HDAC10: variants seen among roughly 807,000 people sequenced by gnomAD.
The protein encoded by HDAC10 is polyamine deacetylase HDAC10.
Under a neutral mutation model 82.3 loss-of-function variants are expected in HDAC10, and 90 were observed. That is an observed-to-expected ratio of 1.09 (90% CI 0.92 to 1.30). The LOEUF is 1.30. HDAC10 is among the 50% of genes most tolerant of loss of function. The probability of loss-of-function intolerance (pLI) is 0.00; values close to 1 mark genes in which losing one functional copy is unlikely to be tolerated. For synonymous variants in HDAC10, 456 were observed against 391.7 expected, an observed-to-expected ratio of 1.16 and a Z score of -1.94; for missense variants, 934 against 876.3, an observed-to-expected ratio of 1.07 and a Z score of -0.83.
rs1478725034 is a variant in HDAC10, at chr22:50,245,690, C to T, written c.1971G>A (p.Gln657=). ...LMYLRGQLEP[Q]WKMLQCHPHL... ...TCAGCCTCACCTGCAACATCTTCCA[C>T]TGAGGCTCCAGCTGCCCTCTCAGGT... The change falls in exon 19 of 20, where the codon CAG becomes CAA. Residue 657 remains glutamine (Q), a synonymous_variant. Transcript: ENST00000216271. 1.9e-6 allele frequency: 3 copies of T among 1,613,200 alleles called. No individual in the cohort carries two copies. Among genetic ancestry groups the T allele is most frequent in the South Asian group, 1.1e-5 (1 of 91,082 alleles).
chr22:50,246,366 A>G lies in HDAC10; in HGVS notation c.1582T>C (p.Trp528Arg). 6.2e-7 allele frequency: 1 copy of G among 1,612,366 alleles called. No individual in the cohort carries two copies. The highest frequency in any genetic ancestry group is 8.5e-7 in the Non-Finnish European group (1 of 1,179,760). Residue 528 changes from tryptophan (W) to arginine (R), a missense_variant, in exon 17 of 20, where the codon TGG (tryptophan) becomes CGG (arginine). Transcript: ENST00000216271. Reference protein sequence around the residue: ...PDLAHDGRSLWLNIRGKEAAA... With the variant: ...PDLAHDGRSLRLNIRGKEAAA... ...GCCTCCTTGCCCCTGATGTTCAGCC[A>G]CAGACTCCTCCTTCCAGGACACAGG...
rs2064936851 is a variant in HDAC10 at position 50,246,098 on chromosome 22, G to A, written c.1651-6C>T. ...CTCAGGAAACCACCGGTCATCTGTG[G>A]GGACAGCAGAGCCCAGCTCCTCATC... is the stretch of plus-strand genomic sequence containing the variant. On this transcript the variant is annotated splice_region_variant and splice_polypyrimidine_tract_variant and intron_variant, in intron 17 of 19. Transcript: ENST00000216271. 5.6e-6 allele frequency: 9 copies of A among 1,598,040 alleles called. No individual in the cohort carries two copies. The highest frequency in any genetic ancestry group is 7.7e-6 in the Non-Finnish European group (9 of 1,170,222).
rs1451661059 is a variant in HDAC10 at position 50,248,867 on chromosome 22, G to A, written c.780C>T (p.Val260=). The change falls in exon 9 of 20, where the codon GTC becomes GTT. Residue 260 remains valine (V), a synonymous_variant. Coordinates refer to ENST00000216271, the MANE Select transcript of HDAC10 (RefSeq NM_032019.6). This position sits in a 1 kb window ranked among gnomAD's most constrained non-coding sequence, Gnocchi z 5.4. ...CGATGGCTGAGTCAAATCCTGCCGA[G>A]ACCAGCACCAGCTCAGGGTCAAACT... The part of the protein sequence containing the change: ...AFEFDPELVL[V]SAGFDSAIGD... 11 of 1,611,568 alleles carry A rather than the reference G, an allele frequency of 6.8e-6. No homozygotes were observed. The highest frequency in any genetic ancestry group is 1.3e-5 in the African/African-American group (1 of 74,914).
At position 50,248,067 on chromosome 22, in the gene HDAC10, A is replaced by G; in HGVS notation, c.1160T>C (p.Val387Ala). 6.2e-7 allele frequency: 1 copy of G among 1,605,392 alleles called. No homozygotes were observed. The highest frequency in any genetic ancestry group is 8.5e-7 in the Non-Finnish European group (1 of 1,175,002). The change falls in exon 13 of 20, where the codon GTG becomes GCG. Residue 387 changes from valine to alanine, a missense_variant. Transcript: ENST00000216271. This position sits in a 1 kb window ranked among gnomAD's most constrained non-coding sequence, Gnocchi z 5.4. Reference sequence around the variant, plus strand: ...CGGTGCAGATGCAGCTGCCTTACACACTGGACCCCCAGGCAGCAGAGGTGG... The same window carrying G: ...CGGTGCAGATGCAGCTGCCTTACACGCTGGACCCCCAGGCAGCAGAGGTGG... ...RPPPLLPGGP[V>A]CKAAASAPSS... is the part of the protein sequence containing the mutation.
At chr22:50,250,617 C>A in intron 2 of HDAC10, 94 bp from the exon 3 acceptor site, 1 of 1,320,534 alleles carries the variant, frequency 7.6e-7, no homozygotes, top group Non-Finnish European at 1.1e-6. Context: ...GGAGTGGCCA[C>A]CCTGTCACTT....
rs1396156978 is a variant in HDAC10 at position 50,247,913 on chromosome 22, C to T, written c.1314G>A (p.Arg438=). The change falls in exon 13 of 20, where the codon AGG becomes AGA. Residue 438 remains arginine, a synonymous_variant. Transcript: ENST00000216271. ...DVIQQEASAL[R]EETEAWARPH... ...ACCTGGCCCAGGCTTCTGTCTCCTC[C>T]CTCAGGGCTGACGCTTCCTGTTGGA... 8 of 1,612,680 alleles carry T rather than the reference C, an allele frequency of 5.0e-6. No homozygotes were observed. The African/African-American group carries it at 5.3e-5, about 11-fold the overall frequency.
At chr22:50,246,206 A>G (rs889146747) in intron 17 of HDAC10, 92 bp downstream of exon 17, 8 of 1,520,018 alleles carry the variant, frequency 5.3e-6, no homozygotes, top group Non-Finnish European at 5.4e-6. Context: ...GAAGGACCAG[A>G]GGCCTGCTAT....
Position 50,248,222 on chromosome 22 carries a change from G to T in HDAC10, c.1081+3C>A. Reference sequence around the variant, plus strand: ...CTGCAGCCTAGCACCCGGCCACACTGACCTTGCTGCTGGAGGCTCTTCCAG... The same window carrying T: ...CTGCAGCCTAGCACCCGGCCACACTTACCTTGCTGCTGGAGGCTCTTCCAG... On this transcript the variant is annotated splice_donor_region_variant and intron_variant, in intron 12 of 19. Coordinates refer to ENST00000216271, the MANE Select transcript of HDAC10 (RefSeq NM_032019.6). The surrounding 1 kb of genome is among the most constrained non-coding windows in gnomAD (Gnocchi z 5.4). 1 of 1,611,654 alleles carries T rather than the reference G, an allele frequency of 6.2e-7. No homozygotes were observed. Among genetic ancestry groups the T allele is most frequent in the South Asian group, 1.1e-5 (1 of 90,898 alleles).
Position 50,250,141 on chromosome 22 carries a change from C to G in HDAC10, c.311G>C (p.Arg104Pro). ...YFHPSTFHCA[R>P]LAAGAGLQLV... ...CTGCAGTCCAGCCCCTGCGGCCAGC[C>G]GCGCGCAGTGAAAGGTACTCTGTGG... The change falls in exon 4 of 20, where the codon CGG (arginine) becomes CCG (proline). Residue 104 changes from arginine (R) to proline (P), a missense_variant. By Grantham distance (103) the Arg-to-Pro change is moderately radical. Transcript: ENST00000216271. 1 of 1,612,490 alleles carries G rather than the reference C, an allele frequency of 6.2e-7. No individual in the cohort carries two copies.
intron 14 of HDAC10, 170 bp from the exon 15 acceptor site, chr22:50,247,136 A>AT: frequency 4.4e-6 from 2 of 453,516 alleles, no homozygotes; most frequent in South Asian, 4.0e-5. Flanking sequence ...TTACGTCTAT[A>AT]ATTTTTTTTT....
At position 50,249,502 on chromosome 22, in the gene HDAC10, C is replaced by T. The variant is rs1248344012; in HGVS notation, c.564-48G>A. 1 of 1,608,406 alleles carries T rather than the reference C, an allele frequency of 6.2e-7. No individual in the cohort carries two copies. The highest frequency in any genetic ancestry group is 1.3e-5 in the African/African-American group (1 of 74,788). The stretch of plus-strand genomic sequence containing the variant: ...AGAGGTCAAAGGTCAGGACCCTCAA[C>T]AGCTCTACAGCTCCCTGTAGAACGC... On this transcript the variant is annotated intron_variant, in intron 6 of 19. Transcript: ENST00000216271. The surrounding 1 kb of genome is among the most constrained non-coding windows in gnomAD (Gnocchi z 4.4).
In HDAC10 at chr22:50,249,372, G is replaced by T. The variant is rs779615440; in HGVS notation, c.646C>A (p.Arg216=). ...ACAGTGAAGCCGAGGCCCTGTCCCCGCCCCACTGCGTCTGCATCTGACTCT... is the reference window on the plus strand; with the variant it reads ...ACAGTGAAGCCGAGGCCCTGTCCCCTCCCCACTGCGTCTGCATCTGACTCT... ...LRESDADAVG[R]GQGLGFTVNL... is the part of the protein sequence containing the mutation. The change falls in exon 7 of 20, where the codon CGG becomes AGG. Residue 216 remains arginine (R), a synonymous_variant. Transcript: ENST00000216271. This position sits in a 1 kb window ranked among gnomAD's most constrained non-coding sequence, Gnocchi z 4.4. 1.2e-6 allele frequency: 2 copies of T among 1,612,478 alleles called. No homozygotes were observed. The highest frequency in any genetic ancestry group is 2.2e-5 in the East Asian group (1 of 44,870).
chr22:50,246,535 C>T (rs2064951763), intron 16 of HDAC10, 144 bp downstream of exon 16: 1 of 1,049,258 alleles, frequency 9.5e-7, no homozygotes, highest in South Asian at 1.4e-5. Flanking sequence ...CTCCAGCAGC[C>T]CTTCTCCCAC....
rs748551145 is a variant in HDAC10 at position 50,246,970 on chromosome 22, TG to T, written c.1423-5del. ...TGGCTGCTATACCACTGTTCACCTG[TG>T]GGATGAATAAACAGTGGAGAATGAG... On this transcript the variant is annotated splice_polypyrimidine_tract_variant and splice_region_variant and intron_variant, in intron 14 of 19. Transcript: ENST00000216271. 1.3e-6 allele frequency: 2 copies of T among 1,590,278 alleles called. No individual in the cohort carries two copies. The highest frequency in any genetic ancestry group is 1.7e-6 in the Non-Finnish European group (2 of 1,164,748).
intron 14 of HDAC10, 122 bp from the exon 15 acceptor site, chr22:50,247,088 C>A (rs2064970421): frequency 5.1e-6 from 3 of 592,010 alleles, no homozygotes; most frequent in Admixed American, 6.7e-5. Context: ...CATCTTCTTA[C>A]ACTAAGGTCA....
Position 50,250,896 on chromosome 22 carries a change from G to A in HDAC10, c.69C>T (p.Cys23=). 6.2e-7 allele frequency: 1 copy of A among 1,602,220 alleles called. No homozygotes were observed. Among genetic ancestry groups the A allele is most frequent in the East Asian group, 2.3e-5 (1 of 44,062 alleles). Residue 23 remains cysteine, a synonymous_variant, in exon 2 of 20, where the codon TGC becomes TGT. Transcript: ENST00000216271. Reference sequence around the variant, plus strand: ...TCAGGCGCTCAGGACGCTCGATCTCGCACTCGGGGCTGGGGCAGATGAGGA... The same window carrying A: ...TCAGGCGCTCAGGACGCTCGATCTCACACTCGGGGCTGGGGCAGATGAGGA... ...ATRLLWDDPE[C]EIERPERLTA...
Position 50,249,115 on chromosome 22 carries a change from T to G in HDAC10, c.744A>C (p.Pro248=), listed in dbSNP as rs1601627632. The G allele has an allele frequency of 6.2e-7, 1 of 1,600,690 alleles. No individual in the cohort carries two copies. The highest frequency in any genetic ancestry group is 8.5e-7 in the Non-Finnish European group (1 of 1,174,374). The change falls in exon 8 of 20, where the codon CCA becomes CCC. Residue 248 remains proline (P), a synonymous_variant. Transcript: ENST00000216271. This position sits in a 1 kb window ranked among gnomAD's most constrained non-coding sequence, Gnocchi z 4.4. ...TCCGTGCAGTCACCTCAAAGGCCAGTGGGAGCAGCAGGTGCAGGAAGGCAG... is the reference window on the plus strand; with the variant it reads ...TCCGTGCAGTCACCTCAAAGGCCAGGGGGAGCAGCAGGTGCAGGAAGGCAG... ...YVAAFLHLLL[P]LAFEFDPELV...
chr22:50,249,487 G>A lies in HDAC10; in HGVS notation c.564-33C>T. ...CAGCCAGCCAGGGCCAGAGGTCAAA[G>A]GTCAGGACCCTCAACAGCTCTACAG... is the stretch of plus-strand genomic sequence containing the variant. On this transcript the variant is annotated intron_variant, in intron 6 of 19. Transcript: ENST00000216271. This position sits in a 1 kb window ranked among gnomAD's most constrained non-coding sequence, Gnocchi z 4.4. The A allele has an allele frequency of 6.2e-7, 1 of 1,611,840 alleles. No homozygotes were observed. The highest frequency in any genetic ancestry group is 2.2e-5 in the East Asian group (1 of 44,874).
At position 50,245,620 on chromosome 22, in the gene HDAC10, CT is replaced by C. The variant is rs1251280588; in HGVS notation, c.1986+54del. 3 of 1,610,414 alleles carry C rather than the reference CT, an allele frequency of 1.9e-6. No individual in the cohort carries two copies. The East Asian group carries it at 6.7e-5, about 36-fold the overall frequency. On this transcript the variant is annotated intron_variant, in intron 19 of 19. Transcript: ENST00000216271. ...CCCCTGCCCTGCCCTCCCCACCGATCTGTGCGGCAGAGCCAGGCCCCAGGGC... is the reference window on the plus strand; with the variant it reads ...CCCCTGCCCTGCCCTCCCCACCGATCGTGCGGCAGAGCCAGGCCCCAGGGC...
Sources: allele counts gnomAD v4.1 joint callset, GRCh38; gene constraint gnomAD v4.1.1; non-coding constraint Gnocchi (gnomAD v3.1); transcripts MANE v1.5; gene names NCBI Gene and HGNC (gene_info 2026-07-23, HGNC 2026-07-21).